TLK1: variants seen among roughly 807,000 people sequenced by gnomAD.
The protein encoded by TLK1 is serine/threonine-protein kinase tousled-like 1.
TLK1 carries 24 observed loss-of-function variants against 105.3 expected under a neutral mutation model. That is an observed-to-expected ratio of 0.23 (90% CI 0.17 to 0.32). The LOEUF (loss-of-function observed/expected upper bound fraction) is 0.32, where lower values mean the gene tolerates loss of function less well. TLK1 is among the 10% of genes least tolerant of loss of function. The pLI is 1.00. For synonymous variants in TLK1, 321 were observed against 310.4 expected (o/e 1.03, Z -0.36); for missense variants, 558 against 910.5 (o/e 0.61, Z 4.98).
rs1256172743 is a variant in TLK1, at chr2:171,011,297, G to GT, written c.1416+75dup. 4.6e-5 allele frequency: 59 copies of GT among 1,273,678 alleles called. No individual in the cohort carries two copies. The South Asian group carries it at 7.9e-4, about 17-fold the overall frequency. 78.9% of individuals were successfully genotyped at this position (1,273,678 alleles called of 1,614,324 possible). ...GTGTGAGCCACCATGCCCAGACAAC[G>GT]TAAGTACTTCTTAACCACATACTCC... On this transcript the variant is annotated intron_variant, in intron 14 of 20. Coordinates refer to ENST00000431350, the MANE Select transcript of TLK1 (RefSeq NM_012290.5).
At chr2:171,035,580 G>A (rs761627291) in intron 11 of TLK1, among the ~76,000 whole-genome samples, 24 of 152,178 alleles carry the variant, frequency 1.6e-4, no homozygotes, top group Non-Finnish European at 3.1e-4. Context: ...ACTGTGATAT[G>A]CAAAATAATG....
intron 1 of TLK1, among the ~76,000 whole-genome samples, chr2:171,128,110 T>TTGCA (rs1267016171): frequency 2.0e-5 from 3 of 152,216 alleles, no homozygotes; most frequent in Non-Finnish European, 4.4e-5. Flanking sequence ...AACACTTTTG[T>TTGCA]TGCAACCCTT....
intron 1 of TLK1, among the ~76,000 whole-genome samples, chr2:171,230,159 T>C (rs1693969732): frequency 6.6e-6 from 1 of 152,238 alleles, no homozygotes; most frequent in South Asian, 2.1e-4. Context: ...AAATGACACT[T>C]CATTGCTTTG....
chr2:171,202,541 G>A (rs1317647890), intron 1 of TLK1, among the ~76,000 whole-genome samples: 3 of 151,878 alleles, frequency 2.0e-5, no homozygotes, highest in Non-Finnish European at 2.9e-5. Flanking sequence ...GGCAGAACAC[G>A]AGGTCAGGAG....
At chr2:171,215,394 G>A (rs1390228272) in intron 1 of TLK1, among the ~76,000 whole-genome samples, 1 of 152,090 alleles carries the variant, frequency 6.6e-6, no homozygotes, top group Non-Finnish European at 1.5e-5. Flanking sequence ...AGTCTTGTCA[G>A]TTGTGATGCT....
intron 1 of TLK1, among the ~76,000 whole-genome samples, chr2:171,186,891 C>T (rs1693034490): frequency 6.6e-6 from 1 of 151,572 alleles, no homozygotes; most frequent in Non-Finnish European, 1.5e-5. Context: ...AACCCCATCT[C>T]TACTAAAAAT....
At chr2:171,021,105 T>C (rs1165270317) in intron 12 of TLK1, among the ~76,000 whole-genome samples, 3 of 152,200 alleles carry the variant, frequency 2.0e-5, no homozygotes, top group Non-Finnish European at 4.4e-5. Context: ...AATGCATAAA[T>C]ACATGCATTA....
chr2:171,206,036 T>A (rs1456939746), intron 1 of TLK1, among the ~76,000 whole-genome samples: 1 of 152,214 alleles, frequency 6.6e-6, no homozygotes, highest in Non-Finnish European at 1.5e-5. Flanking sequence ...AATGAAACTA[T>A]GTTATATTTT....
At chr2:171,197,369 G>A (rs541462207) in intron 1 of TLK1, among the ~76,000 whole-genome samples, 93 of 152,184 alleles carry the variant, frequency 6.1e-4, no homozygotes, top group Middle Eastern at 3.4e-3. Flanking sequence ...AAAAAAACCC[G>A]AAAATACCCC....
chr2:171,135,474 C>A (rs1691275976), intron 1 of TLK1, among the ~76,000 whole-genome samples: 1 of 151,828 alleles, frequency 6.6e-6, no homozygotes. Flanking sequence ...TTGGGGCCAG[C>A]CTGGGCAATG....
chr2:171,093,695 C>T (rs180730068), intron 2 of TLK1, among the ~76,000 whole-genome samples: 2 of 151,862 alleles, frequency 1.3e-5, no homozygotes, highest in African/African-American at 2.4e-5. Flanking sequence ...CTTCTTAATG[C>T]CACTGTTAAG....
chr2:171,120,414 T>C (rs889165277), intron 1 of TLK1, among the ~76,000 whole-genome samples: 7 of 151,824 alleles, frequency 4.6e-5, no homozygotes, highest in African/African-American at 1.7e-4. Flanking sequence ...AGGATTGATA[T>C]CCAGAATATA....
At chr2:171,210,287 T>C (rs1406439172) in intron 1 of TLK1, among the ~76,000 whole-genome samples, 4 of 152,012 alleles carry the variant, frequency 2.6e-5, no homozygotes, top group African/African-American at 9.7e-5. Context: ...TATTTTTTTT[T>C]TTTATAGGAG....
rs73017239 is a variant in TLK1 at position 171,156,330 on chromosome 2, A to G, written c.139+3960T>C. 3.3e-3 allele frequency among the ~76,000 whole-genome samples: 506 copies of G among 152,350 alleles called. 3 individuals are homozygous for G. Among genetic ancestry groups the G allele is most frequent in the African/African-American group, 0.012 (488 of 41,590 alleles). Reference sequence around the variant, plus strand: ...CTGGTCTAGTTTCTTTGGTTTTAGGACATATTTATTCTTCATAAAAAATTC... The same window carrying G: ...CTGGTCTAGTTTCTTTGGTTTTAGGGCATATTTATTCTTCATAAAAAATTC... On this transcript the variant is annotated intron_variant, in intron 1 of 20. Transcript: ENST00000431350.
intron 1 of TLK1, among the ~76,000 whole-genome samples, chr2:171,139,847 G>C (rs927767061): frequency 2.6e-5 from 4 of 152,058 alleles, no homozygotes; most frequent in African/African-American, 9.7e-5. Flanking sequence ...AGTGGAGATG[G>C]TTTCAGATGA....
At chr2:171,072,264 A>C (rs984215013) in intron 3 of TLK1, among the ~76,000 whole-genome samples, 1 of 152,170 alleles carries the variant, frequency 6.6e-6, no homozygotes, top group African/African-American at 2.4e-5. Context: ...CATACTCTTC[A>C]ATTTCTTGCA....
At chr2:171,156,554 G>A (rs1692242070) in intron 1 of TLK1, among the ~76,000 whole-genome samples, 1 of 152,142 alleles carries the variant, frequency 6.6e-6, no homozygotes, top group Non-Finnish European at 1.5e-5. Context: ...CCTCCGTTCT[G>A]GTTTCTCTCT....
intron 3 of TLK1, chr2:171,081,713 G>A: frequency 7.7e-7 from 1 of 1,304,200 alleles, no homozygotes; most frequent in Non-Finnish European, 1.0e-6. Flanking sequence ...TTGTTTCTGT[G>A]GAAGGGAAAG....
chr2:171,160,824 C>T lies in TLK1; in HGVS notation c.-396G>A. On this transcript the variant is annotated 5_prime_UTR_variant, in exon 1 of 21. Transcript: ENST00000431350. The surrounding 1 kb of genome is among the most constrained non-coding windows in gnomAD (Gnocchi z 4.4). ...GCCGGCACCTCTGCAGTGCGTCGGC[C>T]CCCGGCGTCGCCCGGGAGGCGGCGG... is the stretch of plus-strand genomic sequence containing the variant. 2 of 350,594 alleles carry T rather than the reference C, an allele frequency of 5.7e-6. No individual in the cohort carries two copies. Among genetic ancestry groups the T allele is most frequent in the Non-Finnish European group, 1.0e-5 (2 of 196,722 alleles). 21.7% of individuals were successfully genotyped at this position (350,594 alleles called of 1,614,324 possible).
Sources: gnomAD v4.1 joint callset for allele counts (sites outside exome capture counted in the v4.1 genomes callset) on GRCh38, gnomAD v4.1.1 for gene constraint, Gnocchi (gnomAD v3.1) non-coding constraint, MANE v1.5 for transcripts, NCBI Gene and HGNC (gene_info 2026-07-23, HGNC 2026-07-21) for gene names.